SGCZ: variants seen among roughly 807,000 people sequenced by gnomAD.
The protein encoded by SGCZ is sarcoglycan zeta.
In SGCZ, 40 loss-of-function variants were observed where a neutral mutation model predicts 41.3. That is an observed-to-expected ratio of 0.97 (90% CI 0.75 to 1.26). SGCZ has a LOEUF of 1.26. Ranked by LOEUF, SGCZ falls within the 50% of genes most tolerant of loss-of-function variation. The pLI is 0.00. For synonymous variants in SGCZ, 206 were observed against 137.5 expected, an observed-to-expected ratio of 1.50 and a Z score of -3.49; for missense variants, 552 against 369.8, an observed-to-expected ratio of 1.49 and a Z score of -4.04.
chr8:14,407,719 T>C (rs1260761484), intron 2 of SGCZ, among the ~76,000 whole-genome samples: 1 of 152,170 alleles, frequency 6.6e-6, no homozygotes, highest in African/African-American at 2.4e-5. Context: ...AAGATTCCCA[T>C]TTGTTGTGAA....
intron 1 of SGCZ, among the ~76,000 whole-genome samples, chr8:15,096,575 C>T (rs905467940): frequency 6.6e-6 from 1 of 152,076 alleles, no homozygotes; most frequent in African/African-American, 2.4e-5. Flanking sequence ...GAAGCACAGG[C>T]CTGAGAAGCC....
intron 1 of SGCZ, among the ~76,000 whole-genome samples, chr8:14,860,797 C>G (rs920973493): frequency 1.3e-5 from 2 of 152,106 alleles, no homozygotes; most frequent in Admixed American, 1.3e-4. Flanking sequence ...AGAACAGCTT[C>G]ATGGGCTGTG....
chr8:14,306,232 T>G (rs1216264037), intron 3 of SGCZ, among the ~76,000 whole-genome samples: 1 of 152,170 alleles, frequency 6.6e-6, no homozygotes, highest in East Asian at 1.9e-4. Context: ...TCACCATGAT[T>G]AAAGCAAAAT....
chr8:15,077,109 G>A (rs184522964), intron 1 of SGCZ, among the ~76,000 whole-genome samples: 1 of 152,312 alleles, frequency 6.6e-6, no homozygotes, highest in East Asian at 1.9e-4. Context: ...CTGCTGTAAT[G>A]AAGTGGATTC....
chr8:14,232,972 G>A (rs7829224), intron 4 of SGCZ, among the ~76,000 whole-genome samples: 5,368 of 152,018 alleles, frequency 0.035, 329 homozygotes, highest in African/African-American at 0.12. Flanking sequence ...TATAGATGTG[G>A]GATTGTGGAA....
At chr8:15,198,780 C>T (rs78965465) in intron 1 of SGCZ, among the ~76,000 whole-genome samples, 1,637 of 152,242 alleles carry the variant, frequency 0.011, 33 homozygotes, top group African/African-American at 0.037. Context: ...AATCAACTAG[C>T]TCAATGTCGC....
chr8:14,485,386 G>A (rs76580857), intron 2 of SGCZ, among the ~76,000 whole-genome samples: 2,922 of 152,092 alleles, frequency 0.019, 59 homozygotes, highest in African/African-American at 0.047. Context: ...ACAGGCGTGC[G>A]CCACTATGCC....
intron 3 of SGCZ, among the ~76,000 whole-genome samples, chr8:14,263,346 T>C (rs35070002): frequency 0.38 from 57,598 of 151,868 alleles, 12,460 homozygotes; most frequent in Non-Finnish European, 0.5. Context: ...GCCAGGAGTT[T>C]GAAACCAGCC....
chr8:14,592,800 G>A (rs1365690934), intron 1 of SGCZ, among the ~76,000 whole-genome samples: 2 of 152,146 alleles, frequency 1.3e-5, no homozygotes, highest in Non-Finnish European at 2.9e-5. Flanking sequence ...AACTACTGAA[G>A]GAAATCAGAG....
chr8:14,521,497 T>C (rs574623967), intron 2 of SGCZ, among the ~76,000 whole-genome samples: 6 of 152,252 alleles, frequency 3.9e-5, no homozygotes, highest in African/African-American at 1.4e-4. Flanking sequence ...CATTCCCTTT[T>C]ACTGCTGATT....
chr8:14,310,254 G>GT (rs780571156), intron 3 of SGCZ, among the ~76,000 whole-genome samples: 1 of 151,898 alleles, frequency 6.6e-6, no homozygotes, highest in Non-Finnish European at 1.5e-5. Context: ...TTTTGCTTTT[G>GT]TTTTTTTCCT....
intron 1 of SGCZ, among the ~76,000 whole-genome samples, chr8:14,920,561 A>C (rs1224990875): frequency 6.6e-6 from 1 of 152,174 alleles, no homozygotes. Flanking sequence ...AGGGTAAGTC[A>C]AAGATGAATT....
At chr8:14,566,188 T>C (rs938754969) in intron 1 of SGCZ, among the ~76,000 whole-genome samples, 1 of 152,196 alleles carries the variant, frequency 6.6e-6, no homozygotes, top group African/African-American at 2.4e-5. Flanking sequence ...GCTGACTATT[T>C]AGATAAAGAG....
chr8:14,313,843 G>C (rs1801625000), intron 3 of SGCZ, among the ~76,000 whole-genome samples: 2 of 151,102 alleles, frequency 1.3e-5, no homozygotes, highest in South Asian at 2.1e-4. Flanking sequence ...GTTTATTCTA[G>C]GTCTGCTATG....
At chr8:14,809,694 T>A (rs1414523247) in intron 1 of SGCZ, among the ~76,000 whole-genome samples, 1 of 152,102 alleles carries the variant, frequency 6.6e-6, no homozygotes, top group African/African-American at 2.4e-5. Context: ...AATTTAAATC[T>A]GAAAATGGAA....
intron 1 of SGCZ, among the ~76,000 whole-genome samples, chr8:14,793,263 T>C (rs1261374079): frequency 6.6e-6 from 1 of 152,192 alleles, no homozygotes; most frequent in Non-Finnish European, 1.5e-5. Context: ...TTGCACTGAC[T>C]GCTAAAACAG....
intron 5 of SGCZ, among the ~76,000 whole-genome samples, chr8:14,134,075 T>G (rs1474683381): frequency 6.6e-6 from 1 of 152,232 alleles, no homozygotes; most frequent in African/African-American, 2.4e-5. Context: ...TTATTTCACA[T>G]GTGTGAGGTA....
In SGCZ at chr8:14,168,282, C is replaced by T. The variant is rs550412436; in HGVS notation, c.425-3580G>A. ...GCCAAATCAGTCAACCAACCAACAA[C>T]AAACTAAGTTTAAAACAAAACAAAA... On this transcript the variant is annotated intron_variant, in intron 4 of 7. Transcript: ENST00000382080. Among the ~76,000 whole-genome samples the T allele has an allele frequency of 4.7e-4, 72 of 151,680 alleles. 1 individual carries two copies. The South Asian group carries it at 0.013, about 28-fold the overall frequency.
chr8:14,677,573 C>A (rs754831456), intron 1 of SGCZ, among the ~76,000 whole-genome samples: 2 of 152,142 alleles, frequency 1.3e-5, no homozygotes, highest in South Asian at 2.1e-4. Flanking sequence ...GAGTTAGAGG[C>A]CAGCCTGGCA....
Sources: allele counts gnomAD v4.1 joint callset (sites outside exome capture counted in the v4.1 genomes callset), GRCh38; gene constraint gnomAD v4.1.1; transcripts MANE v1.5; gene names NCBI Gene and HGNC (gene_info 2026-07-23, HGNC 2026-07-21).